LUZP2: variants seen among roughly 807,000 people sequenced by gnomAD.
The protein encoded by LUZP2 is leucine zipper protein 2.
LUZP2 carries 52 observed loss-of-function variants against 51.6 expected under a neutral mutation model. That is an observed-to-expected ratio of 1.01 (90% confidence interval 0.81 to 1.27). The LOEUF (loss-of-function observed/expected upper bound fraction) is 1.27. Ranked by LOEUF, LUZP2 falls within the 50% of genes most tolerant of loss-of-function variation. The pLI is 0.00. For synonymous variants in LUZP2, 154 were observed against 137.3 expected (o/e 1.12, Z -0.85); for missense variants, 436 against 395.4 (o/e 1.10, Z -0.87).
chr11:25,077,868 G>A (rs10767309), intron 11 of LUZP2, among the ~76,000 whole-genome samples: 149,716 of 152,210 alleles, frequency 0.98, 73,686 homozygotes, highest in East Asian at 1. Context: ...AGTACTATAT[G>A]TAAAGCCATG....
Position 24,913,669 on chromosome 11 carries a change from T to TTGTGTGTG in LUZP2, c.460-787_460-780dup, listed in dbSNP as rs35901522. On this transcript the variant is annotated intron_variant, in intron 6 of 11. Coordinates refer to ENST00000336930, the MANE Select transcript of LUZP2 (RefSeq NM_001009909.4). ...CATGTGATCATGCTAATCTATTTAT[T>TTGTGTGTG]TGTGTGTGTGTGTGTGTGTGTGTGT... Among the ~76,000 whole-genome samples, 1,069 of 148,534 alleles carry TTGTGTGTG rather than the reference T, an allele frequency of 7.2e-3. 10 individuals carry two copies. Among genetic ancestry groups the TTGTGTGTG allele is most frequent in the South Asian group, 0.033 (154 of 4,658 alleles).
chr11:24,604,709 T>C (rs2133873645), intron 1 of LUZP2, among the ~76,000 whole-genome samples: 1 of 151,920 alleles, frequency 6.6e-6, no homozygotes, highest in East Asian at 1.9e-4. Flanking sequence ...TATCTCAAAG[T>C]AATGAAATGA....
intron 9 of LUZP2, among the ~76,000 whole-genome samples, chr11:25,044,357 T>C (rs574990327): frequency 1.2e-4 from 18 of 149,350 alleles, no homozygotes; most frequent in South Asian, 1.1e-3. Context: ...CACTCCAATA[T>C]ACATCATCTT....
At chr11:24,721,609 TCACAAAAGGATTGTG>T (rs1858273179) in intron 1 of LUZP2, among the ~76,000 whole-genome samples, 1 of 152,280 alleles carries the variant, frequency 6.6e-6, no homozygotes, top group Admixed American at 6.5e-5. Flanking sequence ...TGTAAGTTAT[TCACAAAAGGATTGTG>T]CACTGAAAAC....
intron 5 of LUZP2, chr11:24,832,066 T>C (rs1485285987): frequency 2.0e-5 from 3 of 152,402 alleles, no homozygotes; most frequent in Non-Finnish European, 2.9e-5. Flanking sequence ...GAGTAAAATA[T>C]GAAAGTACCT....
At position 25,081,038 on chromosome 11, in the gene LUZP2, T is replaced by TTTG. The variant is rs1293586273; in HGVS notation, c.*2382_*2383insGTT. ...GCTTTGGATCCATATGATTTTTTTT[T>TTTG]TTTTTTTTTTTTGAGATGAAATCTC... On this transcript the variant is annotated 3_prime_UTR_variant, in exon 12 of 12. Transcript: ENST00000336930. 58 of 142,244 alleles carry TTTG rather than the reference T, an allele frequency of 4.1e-4. No individual in the cohort carries two copies. Among genetic ancestry groups the TTTG allele is most frequent in the African/African-American group, 1.4e-3 (56 of 39,138 alleles). The allele number at this position is 142,244 out of a possible 1,614,324, so 8.8% of individuals were successfully genotyped here. A position where few individuals can be genotyped will look rare whatever the true frequency, so the allele number is the denominator to read the frequency against.
chr11:24,711,103 A>G lies in LUZP2; in HGVS notation c.63-18066A>G, dbSNP rs563006643. Reference sequence around the variant, plus strand: ...CAATAAAATAGCTCCATATCCTTCAAGGGCAAGCCAGAATTCCAATTCCAT... The same window carrying G: ...CAATAAAATAGCTCCATATCCTTCAGGGGCAAGCCAGAATTCCAATTCCAT... On this transcript the variant is annotated intron_variant, in intron 1 of 11. Transcript: ENST00000336930. 1.6e-3 allele frequency among the ~76,000 whole-genome samples: 239 copies of G among 152,316 alleles called. 1 individual carries two copies. The highest frequency in any genetic ancestry group is 5.6e-3 in the African/African-American group (231 of 41,572).
chr11:24,838,584 C>T (rs1036086687), intron 5 of LUZP2, among the ~76,000 whole-genome samples: 1 of 151,620 alleles, frequency 6.6e-6, no homozygotes, highest in African/African-American at 2.4e-5. Flanking sequence ...CCTTAGGGAA[C>T]AAGCTAAGAG....
chr11:24,642,984 G>A (rs1590284267), intron 1 of LUZP2, among the ~76,000 whole-genome samples: 1 of 152,032 alleles, frequency 6.6e-6, no homozygotes, highest in Non-Finnish European at 1.5e-5. Flanking sequence ...TTTGAGAAAG[G>A]ATGTAGAGAA....
At chr11:25,031,015 AT>A (rs34776436) in intron 9 of LUZP2, among the ~76,000 whole-genome samples, 1,060 of 11,846 alleles carry the variant, frequency 0.089, 118 homozygotes, top group Non-Finnish European at 0.14. Context: ...ATATATATAT[AT>A]TTTTTTTTTT....
intron 1 of LUZP2, among the ~76,000 whole-genome samples, chr11:24,641,913 G>A (rs1189013157): frequency 6.6e-6 from 1 of 151,654 alleles, no homozygotes; most frequent in African/African-American, 2.4e-5. Context: ...ATTGTTTTTT[G>A]AGATTGAGTC....
At chr11:24,637,594 G>A (rs1855147922) in intron 1 of LUZP2, among the ~76,000 whole-genome samples, 1 of 151,752 alleles carries the variant, frequency 6.6e-6, no homozygotes, top group Non-Finnish European at 1.5e-5. Context: ...GGGAAGGAAT[G>A]CATTCCTGGG....
intron 9 of LUZP2, among the ~76,000 whole-genome samples, chr11:25,019,445 T>A (rs1857263979): frequency 6.6e-6 from 1 of 152,146 alleles, no homozygotes; most frequent in African/African-American, 2.4e-5. Context: ...TCATATACCA[T>A]TGTCTTATAG....
At chr11:24,594,089 C>A (rs999956027) in intron 1 of LUZP2, among the ~76,000 whole-genome samples, 2 of 152,142 alleles carry the variant, frequency 1.3e-5, no homozygotes, top group African/African-American at 4.8e-5. Flanking sequence ...ACTATCGTTT[C>A]TTACTTGGAT....
chr11:24,674,823 G>A (rs969288601), intron 1 of LUZP2, among the ~76,000 whole-genome samples: 61 of 152,140 alleles, frequency 4.0e-4, no homozygotes, highest in African/African-American at 1.4e-3. Context: ...ATATGAAATG[G>A]CATTTCCTCT....
Position 24,863,063 on chromosome 11 carries a change from A to C in LUZP2, c.397-42928A>C, listed in dbSNP as rs182615010. On this transcript the variant is annotated intron_variant, in intron 5 of 11. Coordinates refer to ENST00000336930, the MANE Select transcript of LUZP2 (RefSeq NM_001009909.4). The stretch of plus-strand genomic sequence containing the variant: ...AAGACAAACAACACTAGCTATAGGT[A>C]AGGATGTGAGGAAATAGGAATGTTC... Among the ~76,000 whole-genome samples the C allele has an allele frequency of 4.2e-3, 637 of 152,318 alleles. 5 individuals carry two copies. The highest frequency in any genetic ancestry group is 0.015 in the African/African-American group (613 of 41,580).
chr11:25,051,949 G>A (rs1008355482), intron 10 of LUZP2, among the ~76,000 whole-genome samples: 1 of 151,998 alleles, frequency 6.6e-6, no homozygotes, highest in Admixed American at 6.6e-5. Context: ...TTCTACTTGT[G>A]TTGTTCTCCT....
chr11:25,075,365 C>G (rs1043268229), intron 10 of LUZP2, among the ~76,000 whole-genome samples: 8 of 152,048 alleles, frequency 5.3e-5, no homozygotes, highest in African/African-American at 1.9e-4. Flanking sequence ...TAAAATGTGC[C>G]TAAATGTGGC....
intron 1 of LUZP2, among the ~76,000 whole-genome samples, chr11:24,608,739 G>T (rs924704024): frequency 1.3e-5 from 2 of 152,064 alleles, no homozygotes; most frequent in Non-Finnish European, 2.9e-5. Context: ...ATATTATAAT[G>T]ATAAAACTAA....
Sources: allele counts gnomAD v4.1 joint callset (sites outside exome capture counted in the v4.1 genomes callset), GRCh38; gene constraint gnomAD v4.1.1; transcripts MANE v1.5; gene names NCBI Gene and HGNC (gene_info 2026-07-23, HGNC 2026-07-21).